CREBRF: variants seen among roughly 807,000 people sequenced by gnomAD.
CREBRF encodes CREB3 regulatory factor, also known as UPF0474 protein C5orf41.
A neutral mutation model predicts 66.1 loss-of-function variants in CREBRF; 5 were observed. That is an observed-to-expected ratio of 0.08 (90% CI 0.04 to 0.16). The LOEUF is 0.16. Ranked by LOEUF, CREBRF falls within the 10% of genes least tolerant of loss-of-function variation. The pLI is 1.00. For missense variants in CREBRF, 531 were observed against 744.9 expected (o/e 0.71, Z 3.34); for synonymous variants, 229 against 264.4 (o/e 0.87, Z 1.30).
chr5:173,076,638 C>T (rs1757772339), intron 1 of CREBRF, among the ~76,000 whole-genome samples: 1 of 151,814 alleles, frequency 6.6e-6, no homozygotes, highest in Non-Finnish European at 1.5e-5. Context: ...TGCCTGTAAT[C>T]CCAGCTACTC....
intron 3 of CREBRF, among the ~76,000 whole-genome samples, chr5:173,087,984 C>T (rs542315487): frequency 5.6e-4 from 85 of 151,680 alleles, no homozygotes; most frequent in African/African-American, 1.9e-3. Flanking sequence ...CCACCACACC[C>T]GGCTAATTTT....
At chr5:173,067,572 A>G (rs558065376) in intron 1 of CREBRF, among the ~76,000 whole-genome samples, 30 of 152,324 alleles carry the variant, frequency 2.0e-4, no homozygotes, top group Non-Finnish European at 4.0e-4. Flanking sequence ...TTTATATGAA[A>G]TTTCATGTGA....
chr5:173,131,384 A>G (rs1270771610), intron 8 of CREBRF, among the ~76,000 whole-genome samples: 1 of 152,184 alleles, frequency 6.6e-6, no homozygotes, highest in African/African-American at 2.4e-5. Context: ...AATAATGTCC[A>G]TTATAGCATT....
chr5:173,064,040 G>C (rs1032989482), intron 1 of CREBRF, among the ~76,000 whole-genome samples: 3 of 152,106 alleles, frequency 2.0e-5, no homozygotes, highest in African/African-American at 4.8e-5. Flanking sequence ...TTTTCTTAAA[G>C]ACTAGTGTGA....
intron 4 of CREBRF, among the ~76,000 whole-genome samples, chr5:173,095,226 T>C (rs191490021): frequency 9.6e-5 from 14 of 145,888 alleles, no homozygotes; most frequent in African/African-American, 3.3e-4. Context: ...TCTCGTTCTG[T>C]TGCTCAGGCT....
At chr5:173,097,351 TCTCCTGCCTCAGC>T (rs1177030116) in intron 4 of CREBRF, among the ~76,000 whole-genome samples, 1 of 152,114 alleles carries the variant, frequency 6.6e-6, no homozygotes, top group Non-Finnish European at 1.5e-5. Context: ...GTTAAGTGAT[TCTCCTGCCTCAGC>T]CTCCTGAGCA....
At chr5:173,082,003 G>GTTTTTTTTTTGTTTTTTTTTTTT (rs780926481) in intron 2 of CREBRF, among the ~76,000 whole-genome samples, 1 of 78,046 alleles carries the variant, frequency 1.3e-5, no homozygotes, top group Non-Finnish European at 2.5e-5. Flanking sequence ...TCAAGGTTTA[G>GTTTTTTTTTTGTTTTTTTTTTTT]TTTTTTTTTT....
At chr5:173,094,356 TC>T (rs1252874834) in intron 4 of CREBRF, among the ~76,000 whole-genome samples, 1 of 152,250 alleles carries the variant, frequency 6.6e-6, no homozygotes, top group African/African-American at 2.4e-5. Context: ...TTGAGGAACT[TC>T]CATGCTGTTT....
At chr5:173,124,418 C>G (rs1220787772) in intron 8 of CREBRF, 1 of 151,904 alleles carries the variant, frequency 6.6e-6, no homozygotes, top group African/African-American at 2.4e-5. Flanking sequence ...ATTAGCTGGG[C>G]GTGGTGGCAG....
chr5:173,108,559 T>G, intron 4 of CREBRF, 65 bp from the exon 5 acceptor site: 1 of 1,403,244 alleles, frequency 7.1e-7, no homozygotes, highest in Non-Finnish European at 9.8e-7. Flanking sequence ...AAGGGGTCTT[T>G]TCATTTGTTC....
intron 2 of CREBRF, chr5:173,086,058 G>A (rs1758135503): frequency 2.1e-6 from 2 of 935,900 alleles, no homozygotes; most frequent in Non-Finnish European, 3.6e-6. Context: ...AAATCCAAGA[G>A]TGTATGGTTC....
At chr5:173,119,032 A>G (rs1759075764) in intron 7 of CREBRF, among the ~76,000 whole-genome samples, 1 of 152,174 alleles carries the variant, frequency 6.6e-6, no homozygotes, top group South Asian at 2.1e-4. Flanking sequence ...AGTCATGTAG[A>G]TAGAAAATTG....
In CREBRF at chr5:173,056,468, C is replaced by T. The variant is rs1477275528; in HGVS notation, c.-203C>T. 2 of 398,506 alleles carry T rather than the reference C, an allele frequency of 5.0e-6. No individual in the cohort carries two copies. Among genetic ancestry groups the T allele is most frequent in the African/African-American group, 2.1e-5 (1 of 48,630 alleles). The allele number at this position is 398,506 out of a possible 1,614,324, so 24.7% of individuals were successfully genotyped here. A position where few individuals can be genotyped will look rare whatever the true frequency, so the allele number is the denominator to read the frequency against. ...ACCGGACCCAGTCCCTGAGCCGCCCCTACACCCACAGGTGAGCGCCGCCAC... is the reference window on the plus strand; with the variant it reads ...ACCGGACCCAGTCCCTGAGCCGCCCTTACACCCACAGGTGAGCGCCGCCAC... On this transcript the variant is annotated 5_prime_UTR_variant, in exon 1 of 9. Coordinates refer to ENST00000296953, the MANE Select transcript of CREBRF (RefSeq NM_153607.3).
At chr5:173,112,638 A>T (rs1453182621) in intron 7 of CREBRF, among the ~76,000 whole-genome samples, 1 of 152,142 alleles carries the variant, frequency 6.6e-6, no homozygotes, top group Non-Finnish European at 1.5e-5. Context: ...TGACCATGAT[A>T]ATTTGTTTAT....
chr5:173,071,399 G>A (rs1166949004), intron 1 of CREBRF, among the ~76,000 whole-genome samples: 1 of 151,892 alleles, frequency 6.6e-6, no homozygotes, highest in African/African-American at 2.4e-5. Context: ...TAGTAGAGAT[G>A]GGGTTTCATC....
chr5:173,059,543 C>G (rs190340865), intron 1 of CREBRF, among the ~76,000 whole-genome samples: 1 of 152,052 alleles, frequency 6.6e-6, no homozygotes, highest in Non-Finnish European at 1.5e-5. Context: ...GGATTACAGG[C>G]GTGAGCCACC....
intron 4 of CREBRF, among the ~76,000 whole-genome samples, chr5:173,106,765 T>C (rs1230904286): frequency 6.9e-6 from 1 of 145,664 alleles, no homozygotes; most frequent in African/African-American, 2.5e-5. Context: ...TTTTATTTTA[T>C]TGAGATGGAG....
At chr5:173,109,171 C>A in intron 5 of CREBRF, 1 of 187,736 alleles carries the variant, frequency 5.3e-6, no homozygotes, top group Non-Finnish European at 1.1e-5. Context: ...GGCTCTCTTG[C>A]ATTCTTGTGT....
intron 4 of CREBRF, among the ~76,000 whole-genome samples, chr5:173,103,875 A>G (rs1758686422): frequency 6.6e-6 from 1 of 152,240 alleles, no homozygotes; most frequent in South Asian, 2.1e-4. Context: ...TTGAAATTTT[A>G]GGCAGTAAAT....
Sources: gnomAD v4.1 joint callset for allele counts (sites outside exome capture counted in the v4.1 genomes callset) on GRCh38, gnomAD v4.1.1 for gene constraint, MANE v1.5 for transcripts, NCBI Gene and HGNC (gene_info 2026-07-23, HGNC 2026-07-21) for gene names.